ARRB1: variants seen among roughly 807,000 people sequenced by gnomAD.
ARRB1 encodes the protein beta-arrestin-1.
Under a neutral mutation model 56.8 loss-of-function variants are expected in ARRB1, and 21 were observed. That is an observed-to-expected ratio of 0.37 (90% confidence interval 0.26 to 0.53). ARRB1 has a LOEUF of 0.53. ARRB1 is among the 20% of genes least tolerant of loss of function. The pLI, the probability that ARRB1 is intolerant of heterozygous loss-of-function variation, is 0.88. For missense variants in ARRB1, 424 were observed against 553.7 expected (o/e 0.77, Z 2.35); for synonymous variants, 210 against 218.6 (o/e 0.96, Z 0.35).
intron 11 of ARRB1, among the ~76,000 whole-genome samples, chr11:75,273,254 G>A (rs2140405835): frequency 6.6e-6 from 1 of 152,318 alleles, no homozygotes; most frequent in African/African-American, 2.4e-5. Context: ...CCCGCCATGA[G>A]GGCCAGGCTC....
intron 8 of ARRB1, among the ~76,000 whole-genome samples, chr11:75,277,838 GACA>G (rs1487416346): frequency 3.9e-5 from 6 of 152,210 alleles, no homozygotes; most frequent in Admixed American, 2.0e-4. Flanking sequence ...CAGTAATTGT[GACA>G]ACAATAACAA....
chr11:75,277,571 G>T, intron 8 of ARRB1, 123 bp from the exon 9 acceptor site: 1 of 824,342 alleles, frequency 1.2e-6, no homozygotes. Context: ...ACCTTCAGAA[G>T]GGTCTGCTGC....
At chr11:75,274,367 C>T (rs1007805607) in intron 10 of ARRB1, 156 bp from the exon 11 acceptor site, 1 of 1,004,298 alleles carries the variant, frequency 1.0e-6, no homozygotes, top group Non-Finnish European at 1.4e-6. Context: ...GCCAGCCCAG[C>T]TCGGGCAAGG....
chr11:75,312,224 G>T, intron 1 of ARRB1: 1 of 1,114,996 alleles, frequency 9.0e-7, no homozygotes, highest in Non-Finnish European at 1.2e-6. Context: ...GATGGGAAAT[G>T]CACCGCCAGG....
At chr11:75,297,549 A>T (rs909378264) in intron 1 of ARRB1, among the ~76,000 whole-genome samples, 11 of 152,096 alleles carry the variant, frequency 7.2e-5, no homozygotes, top group Non-Finnish European at 5.9e-5. Context: ...TTAGATCCCG[A>T]CCTCACATCA....
In ARRB1 at chr11:75,268,876, A is replaced by G; in HGVS notation, c.1093+13T>C. 3 of 1,608,474 alleles carry G rather than the reference A, an allele frequency of 1.9e-6. No individual in the cohort carries two copies. The highest frequency in any genetic ancestry group is 2.5e-6 in the Non-Finnish European group (3 of 1,178,546). On this transcript the variant is annotated intron_variant, in intron 14 of 15. Coordinates refer to ENST00000420843, the MANE Select transcript of ARRB1 (RefSeq NM_004041.5). ...GAGAACCCCTACCCCAGAGACCTAC[A>G]GATTCTGCTCACCTTCCCGATGCGG...
At chr11:75,314,910 A>C (rs910982486) in intron 1 of ARRB1, among the ~76,000 whole-genome samples, 1 of 152,180 alleles carries the variant, frequency 6.6e-6, no homozygotes, top group Non-Finnish European at 1.5e-5. Context: ...CCCAGCCAAC[A>C]GTGCCTTTCT....
At chr11:75,285,442 T>C (rs9804522) in intron 3 of ARRB1, among the ~76,000 whole-genome samples, 11 of 152,092 alleles carry the variant, frequency 7.2e-5, no homozygotes, top group African/African-American at 2.7e-4. Flanking sequence ...AAACCTTTCT[T>C]TCCTCTCTCT....
At chr11:75,318,615 G>A (rs1040473021) in intron 1 of ARRB1, among the ~76,000 whole-genome samples, 2 of 152,078 alleles carry the variant, frequency 1.3e-5, no homozygotes, top group African/African-American at 4.8e-5. Context: ...GCTTGAACCT[G>A]GTAGGCGGAG....
intron 1 of ARRB1, among the ~76,000 whole-genome samples, chr11:75,329,396 A>T (rs1345664947): frequency 6.6e-6 from 1 of 151,944 alleles, no homozygotes; most frequent in Non-Finnish European, 1.5e-5. Context: ...GAGCCACTGA[A>T]CCTTGCTGCT....
chr11:75,288,270 A>T (rs1056225599), intron 2 of ARRB1, among the ~76,000 whole-genome samples: 1 of 152,234 alleles, frequency 6.6e-6, no homozygotes, highest in Non-Finnish European at 1.5e-5. Context: ...CTAATGAACA[A>T]ATGCACCACC....
chr11:75,308,471 C>T (rs1177952749), intron 1 of ARRB1, among the ~76,000 whole-genome samples: 1 of 152,204 alleles, frequency 6.6e-6, no homozygotes, highest in East Asian at 1.9e-4. Flanking sequence ...TTTGGCCTGG[C>T]ACAGTAGCTC....
At chr11:75,276,466 C>T (rs894727897) in intron 10 of ARRB1, among the ~76,000 whole-genome samples, 2 of 152,174 alleles carry the variant, frequency 1.3e-5, no homozygotes, top group East Asian at 3.8e-4. Flanking sequence ...AGCTGTGTAC[C>T]TAGTGCCTTA....
intron 1 of ARRB1, among the ~76,000 whole-genome samples, chr11:75,295,833 G>T (rs4945005): frequency 0.23 from 34,678 of 152,084 alleles, 4,418 homozygotes; most frequent in African/African-American, 0.33. Context: ...AAGCTCTTGA[G>T]CCACTAAGAT....
intron 1 of ARRB1, among the ~76,000 whole-genome samples, chr11:75,332,014 C>T (rs769269904): frequency 4.0e-5 from 6 of 151,596 alleles, no homozygotes; most frequent in Non-Finnish European, 7.4e-5. Context: ...AATAAGTCTC[C>T]GGAGCTCCCC....
chr11:75,350,745 G>A lies in ARRB1; in HGVS notation c.20+843C>T, dbSNP rs568754147. On this transcript the variant is annotated intron_variant, in intron 1 of 15. Transcript: ENST00000420843. The stretch of plus-strand genomic sequence containing the variant: ...GGGAAAGGGAACAGAGTAGATGGAT[G>A]GGATCTATTTGGATGAAATGCGATC... Among the ~76,000 whole-genome samples the A allele has an allele frequency of 1.8e-4, 28 of 152,354 alleles. No homozygotes were observed. In the East Asian group the frequency reaches 5.4e-3, roughly 29 times the overall value.
chr11:75,278,756 G>A lies in ARRB1; in HGVS notation c.483-12C>T. Reference sequence around the variant, plus strand: ...GACGCACAGAATTCCTAATGGAGATGGGCGGAGTGAAAGAGGACCAGGGTC... The same window carrying A: ...GACGCACAGAATTCCTAATGGAGATAGGCGGAGTGAAAGAGGACCAGGGTC... On this transcript the variant is annotated splice_polypyrimidine_tract_variant and intron_variant, in intron 7 of 15. Transcript: ENST00000420843. 6.3e-7 allele frequency: 1 copy of A among 1,599,268 alleles called. No individual in the cohort carries two copies. Among genetic ancestry groups the A allele is most frequent in the South Asian group, 1.1e-5 (1 of 90,012 alleles).
chr11:75,298,833 T>C (rs761772538), intron 1 of ARRB1, among the ~76,000 whole-genome samples: 1 of 150,856 alleles, frequency 6.6e-6, no homozygotes, highest in Admixed American at 6.6e-5. Context: ...ATACATACAA[T>C]GGAATAGTAC....
chr11:75,306,622 A>C (rs515590), intron 1 of ARRB1: 374,752 of 1,289,340 alleles, frequency 0.29, 55,571 homozygotes, highest in East Asian at 0.4. Context: ...GCGCCAAAGC[A>C]GTGGACTGTG....
Sources: allele counts gnomAD v4.1 joint callset (sites outside exome capture counted in the v4.1 genomes callset), GRCh38; gene constraint gnomAD v4.1.1; transcripts MANE v1.5; gene names NCBI Gene and HGNC (gene_info 2026-07-23, HGNC 2026-07-21).